The following WWOX variants were observed in gnomAD, a reference collection of about 807,000 sequenced individuals.
WWOX encodes the protein WW domain containing oxidoreductase, also known as WW domain-containing oxidoreductase.
WWOX carries 69 observed loss-of-function variants against 46.2 expected under a neutral mutation model. The observed-to-expected ratio is 1.49, with a 90% CI of 1.23 to 1.82. The LOEUF is 1.82. WWOX is among the 40% of genes most tolerant of loss of function. The probability of loss-of-function intolerance (pLI) is 0.00; values close to 1 mark genes in which losing one functional copy is unlikely to be tolerated. For synonymous variants in WWOX, 359 were observed against 202.6 expected (o/e 1.77, Z -6.56); for missense variants, 919 against 542.6 (o/e 1.69, Z -6.89).
chr16:78,218,873 T>G (rs534910417), intron 5 of WWOX, among the ~76,000 whole-genome samples: 1 of 152,392 alleles, frequency 6.6e-6, no homozygotes, highest in South Asian at 2.1e-4. Context: ...CTGCCACTTT[T>G]GTTTGTTAAA....
At chr16:79,143,637 G>A (rs890598970) in intron 8 of WWOX, among the ~76,000 whole-genome samples, 12 of 152,116 alleles carry the variant, frequency 7.9e-5, no homozygotes, top group African/African-American at 2.2e-4. Flanking sequence ...TAGAGTATTC[G>A]CCAATATGTA....
At chr16:78,436,106 C>T (rs542878797) in intron 8 of WWOX, among the ~76,000 whole-genome samples, 7 of 152,304 alleles carry the variant, frequency 4.6e-5, no homozygotes, top group Admixed American at 3.3e-4. Flanking sequence ...CAGTGCCTTT[C>T]GCATGGGAGG....
At chr16:78,575,056 T>TAA (rs2044836738) in intron 8 of WWOX, among the ~76,000 whole-genome samples, 1 of 16,462 alleles carries the variant, frequency 6.1e-5, no homozygotes, top group African/African-American at 1.9e-4. Context: ...TATATATATA[T>TAA]ATATATATAT....
intron 4 of WWOX, among the ~76,000 whole-genome samples, chr16:78,125,707 A>AT (rs1007640079): frequency 3.3e-5 from 5 of 151,928 alleles, no homozygotes; most frequent in African/African-American, 4.8e-5. Context: ...ACCAAATCAA[A>AT]TTTTTTTTAA....
intron 8 of WWOX, among the ~76,000 whole-genome samples, chr16:78,775,289 T>A (rs2050161766): frequency 6.6e-6 from 1 of 152,106 alleles, no homozygotes; most frequent in Admixed American, 6.5e-5. Context: ...AATTTATGAG[T>A]GTTTTGACTG....
At chr16:78,540,324 C>T (rs2043861535) in intron 8 of WWOX, among the ~76,000 whole-genome samples, 1 of 151,782 alleles carries the variant, frequency 6.6e-6, no homozygotes, top group Admixed American at 6.6e-5. Flanking sequence ...TTAAAATCAC[C>T]ATCTTGATTC....
intron 5 of WWOX, among the ~76,000 whole-genome samples, chr16:78,238,931 A>T (rs1202725476): frequency 7.6e-6 from 1 of 131,524 alleles, no homozygotes; most frequent in Non-Finnish European, 1.7e-5. Flanking sequence ...ACATGGAGGA[A>T]TTAGGAATAC....
intron 8 of WWOX, among the ~76,000 whole-genome samples, chr16:78,433,168 T>G (rs1444625257): frequency 2.6e-5 from 4 of 152,192 alleles, no homozygotes; most frequent in Admixed American, 6.5e-5. Flanking sequence ...CAGATGTGAT[T>G]CCTTTGTTTC....
chr16:78,886,841 A>T (rs1461782762), intron 8 of WWOX, among the ~76,000 whole-genome samples: 4 of 152,066 alleles, frequency 2.6e-5, no homozygotes, highest in African/African-American at 9.7e-5. Flanking sequence ...TCCTTCTTGG[A>T]AAGCTTTGTT....
intron 8 of WWOX, among the ~76,000 whole-genome samples, chr16:78,638,919 G>C (rs748748535): frequency 9.9e-5 from 15 of 152,092 alleles, no homozygotes; most frequent in Non-Finnish European, 1.9e-4. Context: ...GAAAACCTGA[G>C]AGATATCAGT....
intron 5 of WWOX, among the ~76,000 whole-genome samples, chr16:78,379,469 G>A (rs1166438069): frequency 1.3e-5 from 2 of 152,084 alleles, no homozygotes; most frequent in African/African-American, 2.4e-5. Flanking sequence ...CCACTGTACC[G>A]ACGTGTTCCT....
rs546077914 is a variant in WWOX at position 79,201,813 on chromosome 16, A to G, written c.1057-9795A>G. Among the ~76,000 whole-genome samples, 1,411 of 152,258 alleles carry G rather than the reference A, an allele frequency of 9.3e-3. 19 individuals are homozygous for G. The highest frequency in any genetic ancestry group is 0.033 in the African/African-American group (1,361 of 41,542). The stretch of plus-strand genomic sequence containing the variant: ...AAGATAACTAAATTGAAACCTGACA[A>G]TGTAATTTGTCAGAGGAAGGCAGCC... On this transcript the variant is annotated intron_variant, in intron 8 of 8. Transcript: ENST00000566780.
chr16:79,154,553 CTT>C (rs1453982230), intron 8 of WWOX, among the ~76,000 whole-genome samples: 2 of 150,394 alleles, frequency 1.3e-5, no homozygotes, highest in South Asian at 2.1e-4. Flanking sequence ...TATAGCCACT[CTT>C]TTCTGAAGTG....
At chr16:79,120,033 C>T (rs914030199) in intron 8 of WWOX, among the ~76,000 whole-genome samples, 4 of 152,262 alleles carry the variant, frequency 2.6e-5, no homozygotes, top group East Asian at 3.9e-4. Context: ...TGGCCGTGGC[C>T]TGGGCAGGGA....
chr16:78,144,702 G>C (rs992474253), intron 4 of WWOX, among the ~76,000 whole-genome samples: 1 of 150,404 alleles, frequency 6.6e-6, no homozygotes, highest in Non-Finnish European at 1.5e-5. Context: ...TGTATTTTTA[G>C]TAGAGGTGGG....
chr16:78,288,267 C>CTTTTTTTTTT (rs201333228), intron 5 of WWOX, among the ~76,000 whole-genome samples: 1 of 124,704 alleles, frequency 8.0e-6, no homozygotes, highest in South Asian at 2.6e-4. Flanking sequence ...TATGAGTTTA[C>CTTTTTTTTTT]TTTTTTTTTT....
At chr16:78,635,379 C>T (rs988007441) in intron 8 of WWOX, among the ~76,000 whole-genome samples, 2 of 152,082 alleles carry the variant, frequency 1.3e-5, no homozygotes, top group African/African-American at 4.8e-5. Context: ...ATTAGGGGAC[C>T]TCTGCGACTG....
intron 8 of WWOX, among the ~76,000 whole-genome samples, chr16:78,443,444 A>G (rs187474741): frequency 2.0e-5 from 3 of 152,210 alleles, no homozygotes; most frequent in Non-Finnish European, 4.4e-5. Flanking sequence ...ACTGGCACCA[A>G]GAACACACCT....
chr16:78,682,344 C>G (rs1193652927), intron 8 of WWOX, among the ~76,000 whole-genome samples: 4 of 152,254 alleles, frequency 2.6e-5, no homozygotes, highest in South Asian at 4.1e-4. Context: ...TGGCTCACAC[C>G]TTTCAGCTCA....
Sources: gnomAD v4.1 joint callset for allele counts (sites outside exome capture counted in the v4.1 genomes callset) on GRCh38, gnomAD v4.1.1 for gene constraint, MANE v1.5 for transcripts, NCBI Gene and HGNC (gene_info 2026-07-23, HGNC 2026-07-21) for gene names.